The following CCPG1 variants were observed in gnomAD, a reference collection of about 807,000 sequenced individuals.
The protein encoded by CCPG1 is cell cycle progression protein 1.
A neutral mutation model predicts 81.3 loss-of-function variants in CCPG1; 46 were observed. That is an observed-to-expected ratio of 0.57 (90% CI 0.45 to 0.72). CCPG1 has a LOEUF of 0.72. Among genes scored for constraint, CCPG1 ranks in the 30% least tolerant of loss-of-function variants. The pLI, the probability that CCPG1 is intolerant of heterozygous loss-of-function variation, is 0.00. For missense variants in CCPG1, 902 were observed against 937.6 expected (o/e 0.96, Z 0.50); for synonymous variants, 330 against 305.2 (o/e 1.08, Z -0.85).
At chr15:55,390,448 CT>C (rs2056892111) in intron 1 of CCPG1, among the ~76,000 whole-genome samples, 1 of 56,010 alleles carries the variant, frequency 1.8e-5, no homozygotes, top group Non-Finnish European at 4.2e-5. Flanking sequence ...AATAGTACTC[CT>C]ACTGATTTAT....
intron 1 of CCPG1, among the ~76,000 whole-genome samples, chr15:55,399,169 T>C (rs1253962322): frequency 1.3e-5 from 2 of 151,952 alleles, no homozygotes; most frequent in African/African-American, 4.8e-5. Flanking sequence ...GGGGTGGGGA[T>C]GGTGCAAGAA....
rs1433527983 is a variant in CCPG1, at chr15:55,359,846, G to C, written c.1927C>G (p.Leu643Val). Residue 643 changes from leucine to valine, a missense_variant, in exon 8 of 9, where the codon CTT (leucine) becomes GTT (valine). Coordinates refer to ENST00000442196, the MANE Select transcript of CCPG1 (RefSeq NM_001204450.2). The part of the protein sequence containing the change: ...FDCAQQESMS[L>V]FNTVVNPIRM... Reference sequence around the variant, plus strand: ...ATAGGATTCACCACTGTGTTAAAAAGGCTCATGGACTCTTGTTGAGCACAA... The same window carrying C: ...ATAGGATTCACCACTGTGTTAAAAACGCTCATGGACTCTTGTTGAGCACAA... The C allele has an allele frequency of 6.2e-7, 1 of 1,613,392 alleles. No homozygotes were observed. The highest frequency in any genetic ancestry group is 8.5e-7 in the Non-Finnish European group (1 of 1,179,892).
At chr15:55,387,309 T>C (rs1481803839) in intron 2 of CCPG1, among the ~76,000 whole-genome samples, 1 of 152,206 alleles carries the variant, frequency 6.6e-6, no homozygotes, top group Non-Finnish European at 1.5e-5. Context: ...TATTGTTAAT[T>C]ATCCTTGAAG....
chr15:55,402,722 C>G (rs2057150217), intron 1 of CCPG1, among the ~76,000 whole-genome samples: 1 of 152,104 alleles, frequency 6.6e-6, no homozygotes, highest in Admixed American at 6.6e-5. Context: ...CTCAGAGGAC[C>G]TGAGATTTCA....
intron 1 of CCPG1, among the ~76,000 whole-genome samples, chr15:55,392,210 ATTTT>A (rs35816626): frequency 3.3e-4 from 40 of 122,974 alleles, no homozygotes; most frequent in African/African-American, 5.1e-4. Flanking sequence ...ATCAGATTTG[ATTTT>A]TTTTTTTTTT....
chr15:55,381,286 A>T (rs2056687745), intron 3 of CCPG1, among the ~76,000 whole-genome samples: 1 of 42,998 alleles, frequency 2.3e-5, no homozygotes, highest in Non-Finnish European at 5.5e-5. Flanking sequence ...AATAAAAAAT[A>T]AAAAAAAAAT....
At chr15:55,399,439 A>AAAG (rs2057084676) in intron 1 of CCPG1, among the ~76,000 whole-genome samples, 1 of 150,378 alleles carries the variant, frequency 6.6e-6, no homozygotes, top group African/African-American at 2.4e-5. Context: ...AAAAAAAAAA[A>AAAG]CTAGCCGGGC....
rs1013306127 is a variant in CCPG1 at position 55,400,379 on chromosome 15, G to A, written c.-10+7842C>T. Among the ~76,000 whole-genome samples the A allele has an allele frequency of 6.6e-5, 10 of 151,668 alleles. 1 individual carries two copies. In the East Asian group the frequency reaches 7.8e-4, roughly 12 times the overall value. ...AAAAATTAGCCAGGCATGATGGTGC[G>A]TGCCTGTAATCCCAGCTACTTGGGA... On this transcript the variant is annotated intron_variant, in intron 1 of 8. Coordinates refer to ENST00000442196, the MANE Select transcript of CCPG1 (RefSeq NM_001204450.2).
chr15:55,391,941 G>C (rs1267567835), intron 1 of CCPG1, among the ~76,000 whole-genome samples: 1 of 143,918 alleles, frequency 6.9e-6, no homozygotes, highest in Non-Finnish European at 1.5e-5. Context: ...ACACGGAGAG[G>C]CCAAGACGGA....
At chr15:55,376,251 C>T (rs1367300542) in intron 5 of CCPG1, among the ~76,000 whole-genome samples, 1 of 152,180 alleles carries the variant, frequency 6.6e-6, no homozygotes, top group Non-Finnish European at 1.5e-5. Context: ...TTTATACCTA[C>T]ATACTTACAT....
At chr15:55,407,344 TCCCCTGAGACGTGTGGGA>T (rs145156815) in intron 1 of CCPG1, among the ~76,000 whole-genome samples, 26,990 of 151,982 alleles carry the variant, frequency 0.18, 4,147 homozygotes, top group African/African-American at 0.42. Context: ...GTGATAAATA[TCCCCTGAGACGTGTGGGA>T]CCCAATATGA....
chr15:55,391,275 C>G (rs191894856), intron 1 of CCPG1, among the ~76,000 whole-genome samples: 232 of 152,200 alleles, frequency 1.5e-3, no homozygotes, highest in Non-Finnish European at 2.6e-3. Context: ...CCACTATGCC[C>G]AGCTAATTTT....
intron 1 of CCPG1, among the ~76,000 whole-genome samples, chr15:55,406,434 CTCT>C (rs2057221996): frequency 1.7e-5 from 2 of 118,948 alleles, no homozygotes; most frequent in Non-Finnish European, 3.7e-5. Context: ...CTTTCTTTTT[CTCT>C]TTTTTTTTTT....
intron 1 of CCPG1, among the ~76,000 whole-genome samples, chr15:55,392,027 C>CT (rs2056928815): frequency 8.1e-6 from 1 of 123,482 alleles, no homozygotes; most frequent in African/African-American, 3.7e-5. Context: ...TTTCTGATTC[C>CT]TAAAAAAAAA....
chr15:55,355,712 G>A lies in CCPG1; in HGVS notation c.*508C>T. 1 of 260,990 alleles carries A rather than the reference G, an allele frequency of 3.8e-6. No homozygotes were observed. Among genetic ancestry groups the A allele is most frequent in the African/African-American group, 2.2e-5 (1 of 44,986 alleles). The allele number at this position is 260,990 out of a possible 1,614,324, so 16.2% of individuals were successfully genotyped here. On this transcript the variant is annotated 3_prime_UTR_variant, in exon 9 of 9. Coordinates refer to ENST00000442196, the MANE Select transcript of CCPG1 (RefSeq NM_001204450.2). ...TGCAAAAAATTTCACAAGAAAACAA[G>A]TCAGCAAGCTCTTAAGAGGGCAGCA...
At chr15:55,386,753 C>T (rs892304945) in intron 2 of CCPG1, among the ~76,000 whole-genome samples, 1 of 151,810 alleles carries the variant, frequency 6.6e-6, no homozygotes, top group Admixed American at 6.6e-5. Flanking sequence ...AAAAAATAGC[C>T]GAGCGTGGTG....
At chr15:55,357,491 G>C in intron 8 of CCPG1, 1 of 937,794 alleles carries the variant, frequency 1.1e-6, no homozygotes, top group Non-Finnish European at 1.3e-6. Context: ...TTCTGTGATT[G>C]AGGTTTCCGT....
At chr15:55,356,796 G>A (rs2056086468) in intron 8 of CCPG1, 2 of 992,722 alleles carry the variant, frequency 2.0e-6, no homozygotes, top group Admixed American at 6.1e-5. Flanking sequence ...CAAAACAAAA[G>A]TCTCAACTTT....
chr15:55,368,684 G>A (rs1271888960), intron 6 of CCPG1, among the ~76,000 whole-genome samples: 1 of 152,182 alleles, frequency 6.6e-6, no homozygotes, highest in Non-Finnish European at 1.5e-5. Flanking sequence ...CAAATACCTG[G>A]AGTACACTGC....
Sources: allele counts gnomAD v4.1 joint callset (sites outside exome capture counted in the v4.1 genomes callset), GRCh38; gene constraint gnomAD v4.1.1; transcripts MANE v1.5; gene names NCBI Gene and HGNC (gene_info 2026-07-23, HGNC 2026-07-21).